The following SLC2A13 variants were observed in gnomAD, a reference collection of about 807,000 sequenced individuals.
SLC2A13 encodes solute carrier family 2 member 13.
In SLC2A13, 32 loss-of-function variants were observed where a neutral mutation model predicts 64.4. The ratio of observed to expected loss-of-function variants is 0.50; its 90% CI spans 0.37 to 0.67. The LOEUF (loss-of-function observed/expected upper bound fraction) is 0.67. SLC2A13 is among the 30% of genes least tolerant of loss of function. SLC2A13 has a pLI of 0.00. For missense variants in SLC2A13, 743 were observed against 829.2 expected, an observed-to-expected ratio of 0.90 and a Z score of 1.28; for synonymous variants, 338 against 327.1, an observed-to-expected ratio of 1.03 and a Z score of -0.36.
At chr12:40,000,330 AC>A (rs1306580089) in intron 3 of SLC2A13, among the ~76,000 whole-genome samples, 3 of 135,566 alleles carry the variant, frequency 2.2e-5, no homozygotes, top group Non-Finnish European at 1.7e-5. Flanking sequence ...AAACCCAAAA[AC>A]TTACAGGCTG....
At chr12:39,798,859 A>G (rs1941672305) in intron 7 of SLC2A13, among the ~76,000 whole-genome samples, 1 of 151,928 alleles carries the variant, frequency 6.6e-6, no homozygotes, top group Non-Finnish European at 1.5e-5. Context: ...TTAATGCACT[A>G]TTATGTATTT....
chr12:39,810,971 C>T (rs1942140210), intron 7 of SLC2A13, among the ~76,000 whole-genome samples: 1 of 152,070 alleles, frequency 6.6e-6, no homozygotes, highest in South Asian at 2.1e-4. Context: ...CCCCACTCTG[C>T]CCTTTTCTGA....
chr12:39,891,175 G>A (rs1944599309), intron 4 of SLC2A13, among the ~76,000 whole-genome samples: 1 of 148,720 alleles, frequency 6.7e-6, no homozygotes, highest in Non-Finnish European at 1.5e-5. Flanking sequence ...TGTCCTCTGG[G>A]AAACCTTCAC....
At position 39,959,478 on chromosome 12, in the gene SLC2A13, C is replaced by T. The variant is rs138624392; in HGVS notation, c.926-8113G>A. ...CTGTGTTAATCTGGTCATTATTATT[C>T]CAGGTTGCTAATGTAAAGGTTTTTA... On this transcript the variant is annotated intron_variant, in intron 3 of 9. Coordinates refer to ENST00000280871, the MANE Select transcript of SLC2A13 (RefSeq NM_052885.4). Among the ~76,000 whole-genome samples, 441 of 152,226 alleles carry T rather than the reference C, an allele frequency of 2.9e-3. 3 individuals are homozygous for T. The highest frequency in any genetic ancestry group is 0.01 in the African/African-American group (421 of 41,526).
intron 4 of SLC2A13, among the ~76,000 whole-genome samples, chr12:39,898,995 T>C (rs1232656145): frequency 6.6e-6 from 1 of 152,182 alleles, no homozygotes; most frequent in Non-Finnish European, 1.5e-5. Flanking sequence ...GCTGGCCTCA[T>C]AAAATGAGTT....
At chr12:39,839,364 TA>T (rs202133695) in intron 6 of SLC2A13, among the ~76,000 whole-genome samples, 6 of 151,408 alleles carry the variant, frequency 4.0e-5, no homozygotes, top group East Asian at 3.9e-4. Flanking sequence ...CTCATGAGAA[TA>T]AAAAAAAATC....
intron 3 of SLC2A13, among the ~76,000 whole-genome samples, chr12:39,982,500 T>A (rs1388830205): frequency 6.6e-6 from 1 of 151,460 alleles, no homozygotes; most frequent in Non-Finnish European, 1.5e-5. Flanking sequence ...AAAATCAAAG[T>A]ACAAAAATCA....
intron 3 of SLC2A13, among the ~76,000 whole-genome samples, chr12:39,963,398 C>A (rs560646929): frequency 6.6e-6 from 1 of 151,806 alleles, no homozygotes; most frequent in Admixed American, 6.6e-5. Flanking sequence ...CAAATAGATT[C>A]ATTAACATAA....
At chr12:39,774,371 C>T (rs1046658939) in intron 7 of SLC2A13, among the ~76,000 whole-genome samples, 6 of 152,186 alleles carry the variant, frequency 3.9e-5, no homozygotes, top group African/African-American at 1.4e-4. Context: ...TGGCCCATTA[C>T]TTCTCAGATA....
At chr12:39,901,002 T>C (rs972048583) in intron 4 of SLC2A13, among the ~76,000 whole-genome samples, 3 of 152,026 alleles carry the variant, frequency 2.0e-5, no homozygotes, top group East Asian at 1.9e-4. Flanking sequence ...TATAGATCAA[T>C]GGAACTGAAC....
rs1228304280 is a variant in SLC2A13, at chr12:39,961,930, G to GA, written c.926-10566dup. Among the ~76,000 whole-genome samples, 4 of 152,214 alleles carry GA rather than the reference G, an allele frequency of 2.6e-5. No individual in the cohort carries two copies. In the South Asian group the frequency reaches 6.2e-4, roughly 24 times the overall value. On this transcript the variant is annotated intron_variant, in intron 3 of 9. Transcript: ENST00000280871. ...TCCTCCCACCTCAACCTCCCAAGGA[G>GA]AAAAAACAATGAACTTTAATACATG...
rs185766372 is a variant in SLC2A13, at chr12:39,834,243, G to T, written c.1320-4015C>A. ...TGACTCTTGAGATAGGTCAAAAAAA[G>T]ATATTATTTTTTCTCCCTTACATCT... On this transcript the variant is annotated intron_variant, in intron 6 of 9. Coordinates refer to ENST00000280871, the MANE Select transcript of SLC2A13 (RefSeq NM_052885.4). Among the ~76,000 whole-genome samples the T allele has an allele frequency of 1.3e-3, 197 of 152,142 alleles. 2 individuals carry two copies. The highest frequency in any genetic ancestry group is 4.6e-3 in the African/African-American group (192 of 41,528).
intron 4 of SLC2A13, among the ~76,000 whole-genome samples, chr12:39,937,036 G>T (rs1945929253): frequency 6.6e-6 from 1 of 152,106 alleles, no homozygotes; most frequent in Non-Finnish European, 1.5e-5. Context: ...AAATTGAGTA[G>T]GAAAAGCCAT....
intron 1 of SLC2A13, among the ~76,000 whole-genome samples, chr12:40,092,706 A>C (rs960073633): frequency 6.6e-6 from 1 of 152,226 alleles, no homozygotes; most frequent in Non-Finnish European, 1.5e-5. Flanking sequence ...GAAGAGAATA[A>C]GAGGAGATTT....
intron 2 of SLC2A13, among the ~76,000 whole-genome samples, chr12:40,036,019 C>G (rs558921182): frequency 6.6e-6 from 1 of 151,928 alleles, no homozygotes; most frequent in East Asian, 1.9e-4. Flanking sequence ...ATCCTTTTTT[C>G]CCCCCAAACT....
chr12:39,958,592 C>T (rs1427235292), intron 3 of SLC2A13, among the ~76,000 whole-genome samples: 2 of 152,104 alleles, frequency 1.3e-5, no homozygotes, highest in African/African-American at 4.8e-5. Context: ...CCACTGAATC[C>T]TCCACTTACT....
At chr12:39,769,411 C>G (rs1940479637) in intron 7 of SLC2A13, among the ~76,000 whole-genome samples, 1 of 152,054 alleles carries the variant, frequency 6.6e-6, no homozygotes, top group South Asian at 2.1e-4. Context: ...AAGAACAGAT[C>G]TTTTAACAAC....
intron 6 of SLC2A13, among the ~76,000 whole-genome samples, chr12:39,838,016 A>G (rs1943067269): frequency 6.6e-6 from 1 of 151,156 alleles, no homozygotes; most frequent in African/African-American, 2.4e-5. Context: ...ACTATAAATC[A>G]TGCTGCTATA....
chr12:40,059,883 T>C (rs979673972), intron 1 of SLC2A13, among the ~76,000 whole-genome samples: 1 of 152,140 alleles, frequency 6.6e-6, no homozygotes, highest in Non-Finnish European at 1.5e-5. Context: ...GGGGGCCTTA[T>C]AATCCACAAT....
Sources: gnomAD v4.1 joint callset for allele counts (sites outside exome capture counted in the v4.1 genomes callset) on GRCh38, gnomAD v4.1.1 for gene constraint, MANE v1.5 for transcripts, NCBI Gene and HGNC (gene_info 2026-07-23, HGNC 2026-07-21) for gene names.